Variants in ACYP2 observed in about 807,000 individuals in gnomAD.
ACYP2 encodes the protein acylphosphatase-2.
In ACYP2, 12 loss-of-function variants were observed where a neutral mutation model predicts 11.2. The observed-to-expected ratio is 1.08, with a 90% CI of 0.69 to 1.74. The LOEUF is 1.74. Ranked by LOEUF, ACYP2 falls within the 40% of genes most tolerant of loss-of-function variation. The pLI is 0.00. For missense variants in ACYP2, 134 were observed against 101.9 expected (o/e 1.31, Z -1.35); for synonymous variants, 43 against 32.2 (o/e 1.33, Z -1.13).
chr2:54,028,861 T>C (rs1427868034), intron 2 of ACYP2, among the ~76,000 whole-genome samples: 9 of 152,206 alleles, frequency 5.9e-5, no homozygotes, highest in Non-Finnish European at 1.2e-4. Context: ...TTGCACACCA[T>C]TTCCCCTATT....
At chr2:54,097,067 A>G (rs1678633920) in intron 4 of ACYP2, among the ~76,000 whole-genome samples, 1 of 152,232 alleles carries the variant, frequency 6.6e-6, no homozygotes, top group South Asian at 2.1e-4. Context: ...GTAATCCATG[A>G]ACATAATTAA....
intron 4 of ACYP2, among the ~76,000 whole-genome samples, chr2:54,099,590 T>A (rs1286601244): frequency 1.3e-5 from 2 of 152,254 alleles, no homozygotes; most frequent in African/African-American, 2.4e-5. Flanking sequence ...GATTCATCCA[T>A]GTTGTCACGA....
intron 2 of ACYP2, chr2:53,975,409 C>G: frequency 2.5e-6 from 1 of 395,080 alleles, no homozygotes; most frequent in Non-Finnish European, 4.5e-6. Flanking sequence ...AGTTAGAAGA[C>G]CTTTCTTTCG....
At chr2:54,036,995 A>C (rs1405268293) in intron 2 of ACYP2, among the ~76,000 whole-genome samples, 3 of 152,184 alleles carry the variant, frequency 2.0e-5, no homozygotes, top group African/African-American at 7.2e-5. Flanking sequence ...TGTGTGAAGT[A>C]ATGTTGTCCC....
chr2:53,987,603 A>C (rs1672097495), intron 2 of ACYP2, among the ~76,000 whole-genome samples: 1 of 152,152 alleles, frequency 6.6e-6, no homozygotes, highest in African/African-American at 2.4e-5. Context: ...CATTCTCATC[A>C]GCATTGTAAG....
In ACYP2 at chr2:54,065,425, AGTTGGATGACCAATT is replaced by A. The variant is rs1676695672; in HGVS notation, c.277+8068_277+8082del. ...TTATATACATACATAAACTTGTTGG[AGTTGGATGACCAATT>A]GTATGTACATTTTCTTTAGATCCAG... On this transcript the variant is annotated intron_variant, in intron 4 of 6. Transcript: ENST00000607452. 4 of 398,560 alleles carry A rather than the reference AGTTGGATGACCAATT, an allele frequency of 1.0e-5. No individual in the cohort carries two copies. In the East Asian group the frequency reaches 1.4e-4, roughly 14 times the overall value. The allele number at this position is 398,560 out of a possible 1,614,324, so 24.7% of individuals were successfully genotyped here. A position where few individuals can be genotyped will look rare whatever the true frequency, so the allele number is the denominator to read the frequency against.
intron 6 of ACYP2, among the ~76,000 whole-genome samples, chr2:54,235,255 C>G (rs1460951726): frequency 6.6e-6 from 1 of 150,916 alleles, no homozygotes; most frequent in Non-Finnish European, 1.5e-5. Context: ...GTTTTATTCT[C>G]TGGAAGAATT....
intron 6 of ACYP2, among the ~76,000 whole-genome samples, chr2:54,173,850 G>A (rs901964226): frequency 6.6e-6 from 1 of 152,000 alleles, no homozygotes; most frequent in Non-Finnish European, 1.5e-5. Context: ...GATGGTTGTA[G>A]GTGTTATTTC....
intron 4 of ACYP2, among the ~76,000 whole-genome samples, chr2:54,125,733 A>G (rs1680452934): frequency 6.8e-6 from 1 of 146,724 alleles, no homozygotes; most frequent in African/African-American, 2.6e-5. Context: ...CTGGGGAACA[A>G]GAACGAGACT....
intron 4 of ACYP2, among the ~76,000 whole-genome samples, chr2:54,121,657 A>G (rs193259115): frequency 1.7e-3 from 252 of 152,360 alleles, no homozygotes; most frequent in African/African-American, 5.8e-3. Flanking sequence ...TACCACCATT[A>G]AAGTCAAGAA....
chr2:53,994,940 C>G (rs1316271496), intron 2 of ACYP2, among the ~76,000 whole-genome samples: 1 of 152,124 alleles, frequency 6.6e-6, no homozygotes, highest in African/African-American at 2.4e-5. Context: ...CCGTTATATT[C>G]TGAATTTGAG....
chr2:54,023,745 A>G (rs1420048119), intron 2 of ACYP2, among the ~76,000 whole-genome samples: 1 of 152,202 alleles, frequency 6.6e-6, no homozygotes, highest in Non-Finnish European at 1.5e-5. Flanking sequence ...AGATTAAACC[A>G]GGAAGAAATA....
intron 4 of ACYP2, among the ~76,000 whole-genome samples, chr2:54,072,746 G>A (rs948387262): frequency 6.6e-6 from 1 of 151,362 alleles, no homozygotes; most frequent in Non-Finnish European, 1.5e-5. Context: ...TATTTTTAGT[G>A]GAGACAGGGT....
At chr2:54,000,697 C>G (rs1439231438) in intron 2 of ACYP2, among the ~76,000 whole-genome samples, 2 of 152,182 alleles carry the variant, frequency 1.3e-5, no homozygotes, top group African/African-American at 2.4e-5. Context: ...ATAACCCCAG[C>G]AGGGGCAAGG....
chr2:54,233,427 G>C (rs988655887), intron 6 of ACYP2, among the ~76,000 whole-genome samples: 4 of 150,844 alleles, frequency 2.7e-5, no homozygotes, highest in African/African-American at 7.3e-5. Flanking sequence ...CTCCTATGTA[G>C]CTGGGACTAC....
intron 4 of ACYP2, among the ~76,000 whole-genome samples, chr2:54,082,964 A>G (rs1677745589): frequency 6.6e-6 from 1 of 151,942 alleles, no homozygotes. Flanking sequence ...AATCCCAGCT[A>G]TTTGGGAGGC....
At chr2:54,173,388 G>C (rs1325893972) in intron 6 of ACYP2, among the ~76,000 whole-genome samples, 1 of 151,964 alleles carries the variant, frequency 6.6e-6, no homozygotes, top group Non-Finnish European at 1.5e-5. Context: ...CTTTTTGATG[G>C]GGTTGTTTTT....
At chr2:54,071,986 G>A (rs1012350615) in intron 4 of ACYP2, among the ~76,000 whole-genome samples, 3 of 152,064 alleles carry the variant, frequency 2.0e-5, no homozygotes, top group Non-Finnish European at 4.4e-5. Context: ...ACTCCAGCCT[G>A]GGAGACAGAG....
intron 4 of ACYP2, among the ~76,000 whole-genome samples, chr2:54,129,828 T>G (rs1227176472): frequency 1.3e-5 from 2 of 148,628 alleles, no homozygotes; most frequent in East Asian, 3.9e-4. Context: ...TATATGTATA[T>G]TCACAATATA....
Sources: allele counts gnomAD v4.1 joint callset (sites outside exome capture counted in the v4.1 genomes callset), GRCh38; gene constraint gnomAD v4.1.1; transcripts MANE v1.5; gene names NCBI Gene and HGNC (gene_info 2026-07-23, HGNC 2026-07-21).